Variants in TSC22D2 observed in about 807,000 individuals in gnomAD.
The protein encoded by TSC22D2 is TSC22 domain family member 2, also known as TSC22 domain family protein 2.
A neutral mutation model predicts 50.1 loss-of-function variants in TSC22D2; 5 were observed. The ratio of observed to expected loss-of-function variants is 0.10; its 90% CI spans 0.05 to 0.21. The LOEUF (loss-of-function observed/expected upper bound fraction) is 0.21. Among genes scored for constraint, TSC22D2 ranks in the 10% least tolerant of loss-of-function variants. TSC22D2 has a pLI of 1.00. For missense variants in TSC22D2, 1,003 were observed against 1,015.5 expected, an observed-to-expected ratio of 0.99 and a Z score of 0.17; for synonymous variants, 501 against 450.1, an observed-to-expected ratio of 1.11 and a Z score of -1.43.
intron 1 of TSC22D2, among the ~76,000 whole-genome samples, chr3:150,449,885 T>C (rs1284961594): frequency 6.6e-6 from 1 of 152,100 alleles, no homozygotes; most frequent in African/African-American, 2.4e-5. Context: ...TTCATGTCTT[T>C]CTTGTTAATG....
At chr3:150,432,137 A>T (rs933326541) in intron 1 of TSC22D2, among the ~76,000 whole-genome samples, 1 of 152,188 alleles carries the variant, frequency 6.6e-6, no homozygotes, top group African/African-American at 2.4e-5. Flanking sequence ...GAAGTGGGAC[A>T]CTAAACATTC....
intron 1 of TSC22D2, 179 bp from the exon 2 acceptor site, chr3:150,456,897 C>T: frequency 1.7e-6 from 1 of 594,146 alleles, no homozygotes; most frequent in Non-Finnish European, 2.9e-6. Flanking sequence ...CATCTATTTA[C>T]TGAGACTTTC....
rs1721513897 is a variant in TSC22D2, at chr3:150,465,020, A to G, written c.*6384A>G. The G allele has an allele frequency of 6.6e-6, 1 of 152,210 alleles. No individual in the cohort carries two copies. Among genetic ancestry groups the G allele is most frequent in the African/African-American group, 2.4e-5 (1 of 41,458 alleles). 9.4% of individuals were successfully genotyped at this position (152,210 alleles called of 1,614,324 possible). A position where few individuals can be genotyped will look rare whatever the true frequency, so the allele number is the denominator to read the frequency against. On this transcript the variant is annotated 3_prime_UTR_variant, in exon 3 of 3. Coordinates refer to ENST00000688009, the MANE Select transcript of TSC22D2 (RefSeq NM_001303264.2). The stretch of plus-strand genomic sequence containing the variant: ...ATAACTCAGGTGACTGATACCAAAA[A>G]TAAATCTCTAATACAGCTGAGAATC...
chr3:150,424,430 T>C (rs1720109857), intron 1 of TSC22D2, among the ~76,000 whole-genome samples: 1 of 152,180 alleles, frequency 6.6e-6, no homozygotes, highest in African/African-American at 2.4e-5. Flanking sequence ...TTATTTCAAA[T>C]AGCTAACTTT....
intron 1 of TSC22D2, among the ~76,000 whole-genome samples, chr3:150,429,739 G>A (rs1720323165): frequency 6.6e-6 from 1 of 152,126 alleles, no homozygotes; most frequent in Non-Finnish European, 1.5e-5. Flanking sequence ...GGGAAGTTCA[G>A]TAAAGTATTA....
intron 1 of TSC22D2, among the ~76,000 whole-genome samples, chr3:150,415,801 C>T (rs530606203): frequency 3.9e-4 from 59 of 152,196 alleles, no homozygotes; most frequent in African/African-American, 1.4e-3. Flanking sequence ...GGCCACACAG[C>T]AAGGACCTGT....
intron 1 of TSC22D2, among the ~76,000 whole-genome samples, chr3:150,436,751 G>A (rs1240493459): frequency 6.6e-6 from 1 of 152,188 alleles, no homozygotes; most frequent in African/African-American, 2.4e-5. Flanking sequence ...GAAGTCAAAT[G>A]TGTTGTGAGA....
Position 150,461,089 on chromosome 3 carries a change from G to C in TSC22D2, c.*2453G>C, listed in dbSNP as rs1363086217. On this transcript the variant is annotated 3_prime_UTR_variant, in exon 3 of 3. Transcript: ENST00000688009. ...AGGACTTAACATAGAAAGAAAGACAGGCTTTCCTGTGTACTTTTAGAAAGT... is the reference window on the plus strand; with the variant it reads ...AGGACTTAACATAGAAAGAAAGACACGCTTTCCTGTGTACTTTTAGAAAGT... The C allele has an allele frequency of 1.3e-5, 2 of 152,118 alleles. No homozygotes were observed. Among genetic ancestry groups the C allele is most frequent in the African/African-American group, 4.8e-5 (2 of 41,414 alleles). 9.4% of individuals were successfully genotyped at this position (152,118 alleles called of 1,614,324 possible).
rs778756763 is a variant in TSC22D2, at chr3:150,410,172, A to T, written c.822A>T (p.Pro274=). ...CGCAGAGTTTTAGCGTTGGGCAGCC[A>T]CAGCCGCCGCCGCCACCCGTAGGTG... The part of the protein sequence containing the change: ...AQPQSFSVGQ[P]QPPPPPVGGA... Residue 274 remains proline, a synonymous_variant, in exon 1 of 3, where the codon CCA becomes CCT. Coordinates refer to ENST00000688009, the MANE Select transcript of TSC22D2 (RefSeq NM_001303264.2). 62 of 1,609,076 alleles carry T rather than the reference A, an allele frequency of 3.9e-5. No individual in the cohort carries two copies. The Admixed American group carries it at 8.9e-4, about 23-fold the overall frequency.
chr3:150,439,779 G>A (rs1720657398), intron 1 of TSC22D2, among the ~76,000 whole-genome samples: 1 of 152,136 alleles, frequency 6.6e-6, no homozygotes, highest in African/African-American at 2.4e-5. Flanking sequence ...AGACACCTAA[G>A]TATGAGTCGT....
chr3:150,444,905 C>A (rs1720829324), intron 1 of TSC22D2, among the ~76,000 whole-genome samples: 1 of 135,106 alleles, frequency 7.4e-6, no homozygotes, highest in Admixed American at 7.5e-5. Flanking sequence ...AGCAGTGATT[C>A]TCAGCTAGGG....
intron 1 of TSC22D2, among the ~76,000 whole-genome samples, chr3:150,422,701 GAT>G (rs370108982): frequency 4.6e-5 from 7 of 152,310 alleles, no homozygotes; most frequent in African/African-American, 1.7e-4. Flanking sequence ...AAACAAGATA[GAT>G]ATTTGTAAAG....
rs923196707 is a variant in TSC22D2, at chr3:150,462,572, C to G, written c.*3936C>G. 2.0e-5 allele frequency: 3 copies of G among 151,772 alleles called. No homozygotes were observed. Among genetic ancestry groups the G allele is most frequent in the Non-Finnish European group, 4.4e-5 (3 of 68,000 alleles). The allele number at this position is 151,772 out of a possible 1,614,324, so 9.4% of individuals were successfully genotyped here. Reference sequence around the variant, plus strand: ...TCTTGGGTCTTTCTGTACCATTTTCCTCTCCACAATGAACATCCCATTCCC... The same window carrying G: ...TCTTGGGTCTTTCTGTACCATTTTCGTCTCCACAATGAACATCCCATTCCC... On this transcript the variant is annotated 3_prime_UTR_variant, in exon 3 of 3. Transcript: ENST00000688009.
chr3:150,440,059 G>A (rs962009678), intron 1 of TSC22D2, among the ~76,000 whole-genome samples: 1 of 152,152 alleles, frequency 6.6e-6, no homozygotes, highest in African/African-American at 2.4e-5. Context: ...TATATTAATA[G>A]ATATTATCAA....
At chr3:150,443,767 C>T (rs540700034) in intron 1 of TSC22D2, among the ~76,000 whole-genome samples, 3 of 152,292 alleles carry the variant, frequency 2.0e-5, no homozygotes, top group Admixed American at 2.0e-4. Context: ...TGAGAGAACA[C>T]ATAGATACTT....
chr3:150,453,958 A>G (rs867519197), intron 1 of TSC22D2, among the ~76,000 whole-genome samples: 58 of 152,104 alleles, frequency 3.8e-4, no homozygotes, highest in African/African-American at 1.4e-3. Flanking sequence ...CATTATGTAA[A>G]CTCATTTAAT....
In TSC22D2 at chr3:150,409,694, G is replaced by T; in HGVS notation, c.344G>T (p.Gly115Val). The T allele has an allele frequency of 1.3e-6, 2 of 1,588,520 alleles. No homozygotes were observed. Among genetic ancestry groups the T allele is most frequent in the East Asian group, 2.3e-5 (1 of 44,008 alleles). ...GTCGTTTCGGCCCGGAGCGTGTCTG[G>T]GGCGCTCGCCAGTACCCTGGCGGCG... ...GGVVSARSVS[G>V]ALASTLAAAA... Residue 115 changes from glycine (G) to valine (V), a missense_variant, in exon 1 of 3, where the codon GGG becomes GTG. Physicochemically the swap from Gly to Val is moderately radical, Grantham distance 109 (BLOSUM62 -3). Coordinates refer to ENST00000688009, the MANE Select transcript of TSC22D2 (RefSeq NM_001303264.2). The surrounding 1 kb of genome is among the most constrained non-coding windows in gnomAD (Gnocchi z 7.4).
chr3:150,425,698 A>G (rs1055717294), intron 1 of TSC22D2, among the ~76,000 whole-genome samples: 92 of 152,158 alleles, frequency 6.0e-4, no homozygotes, highest in Non-Finnish European at 9.8e-4. Flanking sequence ...GCCCATTTTC[A>G]GTAGACCTAC....
chr3:150,423,182 T>C, intron 1 of TSC22D2: 2 of 1,232,588 alleles, frequency 1.6e-6, no homozygotes, highest in South Asian at 1.4e-5. Flanking sequence ...TGCTTTGCAC[T>C]GTACTGGTTT....
Sources: gnomAD v4.1 joint callset for allele counts (sites outside exome capture counted in the v4.1 genomes callset) on GRCh38, gnomAD v4.1.1 for gene constraint, Gnocchi (gnomAD v3.1) non-coding constraint, MANE v1.5 for transcripts, NCBI Gene and HGNC (gene_info 2026-07-23, HGNC 2026-07-21) for gene names.